SNX29: variants seen among roughly 807,000 people sequenced by gnomAD.
SNX29 encodes sorting nexin 29.
In SNX29, 78 loss-of-function variants were observed where a neutral mutation model predicts 102.1. The observed-to-expected ratio is 0.76, with a 90% confidence interval of 0.64 to 0.92. The LOEUF is 0.92. SNX29 is among the 40% of genes least tolerant of loss of function. The pLI is 0.00. For synonymous variants in SNX29, 580 were observed against 414.5 expected (o/e 1.40, Z -4.85); for missense variants, 1,280 against 1,061.7 (o/e 1.21, Z -2.86).
chr16:12,228,948 C>T (rs1390887956), intron 14 of SNX29, among the ~76,000 whole-genome samples: 3 of 152,250 alleles, frequency 2.0e-5, no homozygotes, highest in African/African-American at 7.2e-5. Context: ...CTTCTGACTC[C>T]TGCTGCTCTC....
chr16:12,069,338 T>A (rs1161787902), intron 10 of SNX29, among the ~76,000 whole-genome samples: 1 of 152,170 alleles, frequency 6.6e-6, no homozygotes, highest in African/African-American at 2.4e-5. Flanking sequence ...CAGTCTCGGC[T>A]CACTGCAAAC....
intron 11 of SNX29, chr16:12,081,286 A>C (rs1199697375): frequency 1.3e-5 from 2 of 152,258 alleles, no homozygotes; most frequent in Non-Finnish European, 2.9e-5. Flanking sequence ...AACCACCAGC[A>C]AGACCAGAAG....
intron 3 of SNX29, among the ~76,000 whole-genome samples, chr16:12,015,445 G>A (rs901812999): frequency 2.6e-5 from 4 of 151,638 alleles, no homozygotes; most frequent in Admixed American, 6.6e-5. Flanking sequence ...TCCCTATGTT[G>A]GCCAGGATGG....
intron 14 of SNX29, among the ~76,000 whole-genome samples, chr16:12,265,780 C>T (rs1237322722): frequency 1.4e-5 from 2 of 147,768 alleles, no homozygotes; most frequent in Admixed American, 1.4e-4. Flanking sequence ...GTCCCAGCTA[C>T]TTGGGAGGCC....
chr16:11,989,148 T>A (rs2055745497), intron 1 of SNX29, among the ~76,000 whole-genome samples: 1 of 152,094 alleles, frequency 6.6e-6, no homozygotes, highest in South Asian at 2.1e-4. Flanking sequence ...AATTTTTGTA[T>A]TTTCGGTAGA....
chr16:12,418,046 A>C (rs768903258), intron 18 of SNX29, among the ~76,000 whole-genome samples: 2 of 152,126 alleles, frequency 1.3e-5, no homozygotes, highest in Non-Finnish European at 2.9e-5. Context: ...ATGCAAATGC[A>C]TGTGGGATTT....
intron 1 of SNX29, among the ~76,000 whole-genome samples, chr16:11,989,763 T>A (rs2055774262): frequency 6.6e-6 from 1 of 152,178 alleles, no homozygotes; most frequent in African/African-American, 2.4e-5. Context: ...CGATGGGGAT[T>A]ACATCAGCGC....
chr16:12,500,271 T>C (rs916922342), intron 19 of SNX29, among the ~76,000 whole-genome samples: 2 of 152,322 alleles, frequency 1.3e-5, no homozygotes, highest in Non-Finnish European at 2.9e-5. Flanking sequence ...GTGCTAGGAT[T>C]ATAGGCATGA....
chr16:12,403,202 A>ATGTATGTGTGTG (rs1182093376), intron 17 of SNX29, among the ~76,000 whole-genome samples: 3 of 70,882 alleles, frequency 4.2e-5, no homozygotes, highest in African/African-American at 2.0e-4. Flanking sequence ...TTGTGTGTGT[A>ATGTATGTGTGTG]TGTGTGTGTG....
At chr16:12,255,913 C>T (rs1399138923) in intron 14 of SNX29, among the ~76,000 whole-genome samples, 1 of 152,214 alleles carries the variant, frequency 6.6e-6, no homozygotes, top group African/African-American at 2.4e-5. Flanking sequence ...ATTGCTGGAT[C>T]ATATGGCAGC....
intron 13 of SNX29, among the ~76,000 whole-genome samples, chr16:12,138,069 G>T (rs987654372): frequency 6.6e-6 from 1 of 152,160 alleles, no homozygotes; most frequent in African/African-American, 2.4e-5. Context: ...ATGGGAAGGG[G>T]ATGTGGTAGC....
chr16:11,979,484 C>T (rs150367674), intron 1 of SNX29, among the ~76,000 whole-genome samples: 92 of 152,220 alleles, frequency 6.0e-4, no homozygotes, highest in African/African-American at 2.1e-3. Flanking sequence ...GTGGGTTTCC[C>T]CACTTGTGGG....
At chr16:12,396,226 G>T (rs2151485902) in intron 16 of SNX29, among the ~76,000 whole-genome samples, 1 of 152,254 alleles carries the variant, frequency 6.6e-6, no homozygotes, top group South Asian at 2.1e-4. Context: ...TTTTGAAGAA[G>T]CCCTTTGTTT....
chr16:12,198,266 C>T (rs1190674493), intron 13 of SNX29, among the ~76,000 whole-genome samples: 2 of 152,028 alleles, frequency 1.3e-5, no homozygotes, highest in African/African-American at 4.8e-5. Flanking sequence ...TTCAGACATT[C>T]ACACAAAAAT....
chr16:12,058,628 G>A (rs773113165), intron 8 of SNX29, among the ~76,000 whole-genome samples: 17 of 150,884 alleles, frequency 1.1e-4, no homozygotes, highest in Non-Finnish European at 2.2e-4. Context: ...CAAGTAGCTG[G>A]GATTACAAGC....
chr16:12,361,978 T>TGCCTATACATGTTAATAACGAGCATGC (rs1567478857), intron 16 of SNX29, among the ~76,000 whole-genome samples: 1 of 151,554 alleles, frequency 6.6e-6, no homozygotes, highest in African/African-American at 2.4e-5. Context: ...AACGAGCACA[T>TGCCTATACATGTTAATAACGAGCATGC]GCCTATACAT....
At chr16:12,064,320 C>T (rs1201009518) in intron 9 of SNX29, among the ~76,000 whole-genome samples, 1 of 152,196 alleles carries the variant, frequency 6.6e-6, no homozygotes, top group African/African-American at 2.4e-5. Context: ...TCTTCCTGCT[C>T]TTCTGGGCTT....
intron 20 of SNX29, among the ~76,000 whole-genome samples, chr16:12,553,238 C>A (rs185496117): frequency 6.6e-6 from 1 of 152,136 alleles, no homozygotes; most frequent in African/African-American, 2.4e-5. Context: ...CTTGAGAATA[C>A]AGAGAGAGAT....
chr16:12,070,922 A>G (rs1260895102), intron 10 of SNX29, among the ~76,000 whole-genome samples: 5 of 152,200 alleles, frequency 3.3e-5, no homozygotes, highest in African/African-American at 1.2e-4. Flanking sequence ...TCTGATGGCC[A>G]GCGATGATGA....
Sources: allele counts gnomAD v4.1 joint callset (sites outside exome capture counted in the v4.1 genomes callset), GRCh38; gene constraint gnomAD v4.1.1; transcripts MANE v1.5; gene names NCBI Gene and HGNC (gene_info 2026-07-23, HGNC 2026-07-21).